Variants in TCF7L2 observed in about 807,000 individuals in gnomAD.
TCF7L2 encodes transcription factor 7-like 2.
In TCF7L2, 23 loss-of-function variants were observed where a neutral mutation model predicts 77.9. The ratio of observed to expected loss-of-function variants is 0.30; its 90% confidence interval spans 0.21 to 0.42. TCF7L2 has a LOEUF of 0.42. Among genes scored for constraint, TCF7L2 ranks in the 10% least tolerant of loss-of-function variants. The pLI is 1.00. For synonymous variants in TCF7L2, 413 were observed against 340.2 expected, an observed-to-expected ratio of 1.21 and a Z score of -2.36; for missense variants, 654 against 793.1, an observed-to-expected ratio of 0.82 and a Z score of 2.11.
At chr10:113,035,358 T>C (rs2050994116) in intron 4 of TCF7L2, among the ~76,000 whole-genome samples, 1 of 152,260 alleles carries the variant, frequency 6.6e-6, no homozygotes, top group African/African-American at 2.4e-5. Flanking sequence ...TTTTATTCCC[T>C]AACCAGGGCA....
chr10:113,164,590 A>C (rs1231230440), intron 13 of TCF7L2, among the ~76,000 whole-genome samples: 1 of 119,560 alleles, frequency 8.4e-6, no homozygotes, highest in African/African-American at 2.7e-5. Flanking sequence ...GGAAAGCCCC[A>C]AATCTTAAAA....
chr10:113,027,777 T>TC (rs528042280), intron 4 of TCF7L2, among the ~76,000 whole-genome samples: 45 of 151,598 alleles, frequency 3.0e-4, no homozygotes, highest in African/African-American at 3.6e-4. Flanking sequence ...TCCTCTTCTC[T>TC]CCCCCCCTCA....
At chr10:113,001,250 T>G (rs1274234743) in intron 4 of TCF7L2, among the ~76,000 whole-genome samples, 1 of 152,232 alleles carries the variant, frequency 6.6e-6, no homozygotes. Context: ...GGTGAAAGAC[T>G]TTCATTTGGC....
chr10:113,005,906 T>A (rs1287857961), intron 4 of TCF7L2, among the ~76,000 whole-genome samples: 1 of 152,164 alleles, frequency 6.6e-6, no homozygotes, highest in Non-Finnish European at 1.5e-5. Context: ...ATTGTTTAAA[T>A]GTGGAATGTA....
chr10:113,066,251 G>A (rs1204252583), intron 5 of TCF7L2, among the ~76,000 whole-genome samples: 1 of 152,070 alleles, frequency 6.6e-6, no homozygotes, highest in Non-Finnish European at 1.5e-5. Context: ...TGTAATCCCA[G>A]CTACTGGGGA....
intron 12 of TCF7L2, among the ~76,000 whole-genome samples, chr10:113,159,436 A>T (rs1214760531): frequency 6.6e-6 from 1 of 151,296 alleles, no homozygotes; most frequent in Non-Finnish European, 1.5e-5. Flanking sequence ...TTTATTTGTA[A>T]TTTTTTTCTT....
intron 5 of TCF7L2, among the ~76,000 whole-genome samples, chr10:113,099,292 A>C (rs537878256): frequency 6.6e-6 from 1 of 152,192 alleles, no homozygotes; most frequent in Non-Finnish European, 1.5e-5. Flanking sequence ...AGTCTTTCTC[A>C]GATGTCAGGA....
intron 5 of TCF7L2, among the ~76,000 whole-genome samples, chr10:113,084,808 A>G (rs567072799): frequency 6.6e-6 from 1 of 151,718 alleles, no homozygotes; most frequent in African/African-American, 2.4e-5. Flanking sequence ...TGTCACAAGA[A>G]TCGCTTGAAC....
rs2136990203 is a variant in TCF7L2, at chr10:113,146,061, A to T, written c.839A>T (p.Tyr280Phe). The T allele has an allele frequency of 6.2e-7, 1 of 1,609,458 alleles. No homozygotes were observed. Among genetic ancestry groups the T allele is most frequent in the Non-Finnish European group, 8.5e-7 (1 of 1,179,568 alleles). Reference sequence around the variant, plus strand: ...ACGACAGGAGGATTCAGACACCCCTACCCCACAGCTCTGACCGTCAATGCT... The same window carrying T: ...ACGACAGGAGGATTCAGACACCCCTTCCCCACAGCTCTGACCGTCAATGCT... The change falls in exon 8 of 14, where the codon TAC becomes TTC. Residue 280 changes from tyrosine (Y) to phenylalanine (F), a missense_variant. Around this residue, in one of 6 missense-constraint regions of TCF7L2, gnomAD observed 179 missense variants for 270.6 expected, o/e 0.66. Coordinates refer to ENST00000627217, the MANE Select transcript of TCF7L2 (RefSeq NM_001146274.2).
At chr10:113,005,422 T>C (rs949290413) in intron 4 of TCF7L2, among the ~76,000 whole-genome samples, 2 of 152,170 alleles carry the variant, frequency 1.3e-5, no homozygotes, top group Non-Finnish European at 2.9e-5. Context: ...GCAGGGAGCA[T>C]GACCTGGCTG....
intron 5 of TCF7L2, among the ~76,000 whole-genome samples, chr10:113,044,079 G>A (rs982990157): frequency 1.3e-5 from 2 of 152,092 alleles, no homozygotes; most frequent in African/African-American, 4.8e-5. Flanking sequence ...TTTACCTTGG[G>A]GTGGATTTTT....
chr10:113,061,141 C>G (rs1308471731), intron 5 of TCF7L2, among the ~76,000 whole-genome samples: 3 of 152,072 alleles, frequency 2.0e-5, no homozygotes, highest in African/African-American at 4.8e-5. Context: ...CACCCCTCAC[C>G]CCCCCGACAA....
intron 5 of TCF7L2, among the ~76,000 whole-genome samples, chr10:113,056,295 C>T (rs1333060212): frequency 4.6e-5 from 7 of 152,212 alleles, no homozygotes; most frequent in African/African-American, 1.4e-4. Flanking sequence ...CTGAATACCG[C>T]GCCTCATTGC....
At chr10:113,009,874 G>A (rs1044535626) in intron 4 of TCF7L2, among the ~76,000 whole-genome samples, 2 of 152,134 alleles carry the variant, frequency 1.3e-5, no homozygotes, top group Admixed American at 6.5e-5. Context: ...AGGCCTGTTC[G>A]GCAGCATGGA....
intron 4 of TCF7L2, among the ~76,000 whole-genome samples, chr10:113,013,116 T>A (rs2046741286): frequency 2.7e-5 from 1 of 36,492 alleles, no homozygotes; most frequent in African/African-American, 4.7e-4. Context: ...AGCAAGTGGT[T>A]TTTTTTTTTT....
chr10:112,981,585 A>G (rs2040478786), intron 4 of TCF7L2, among the ~76,000 whole-genome samples: 1 of 152,148 alleles, frequency 6.6e-6, no homozygotes, highest in Non-Finnish European at 1.5e-5. Context: ...TTTGGTCAAG[A>G]TCATCTCCAG....
At chr10:113,130,291 G>C (rs2066378954) in intron 5 of TCF7L2, among the ~76,000 whole-genome samples, 1 of 152,148 alleles carries the variant, frequency 6.6e-6, no homozygotes, top group Non-Finnish European at 1.5e-5. Flanking sequence ...GTACGGGTGA[G>C]CTGGAATCTG....
intron 5 of TCF7L2, among the ~76,000 whole-genome samples, chr10:113,118,021 C>T (rs1362063498): frequency 7.0e-6 from 1 of 143,046 alleles, no homozygotes; most frequent in African/African-American, 2.6e-5. Flanking sequence ...TCTCTTAAGA[C>T]TGCAAAAACC....
chr10:113,128,036 G>A (rs995226286), intron 5 of TCF7L2, among the ~76,000 whole-genome samples: 4 of 152,074 alleles, frequency 2.6e-5, no homozygotes, highest in African/African-American at 4.8e-5. Context: ...AAGAAATTGC[G>A]TGTGTGACAA....
Sources: gnomAD v4.1 joint callset for allele counts (sites outside exome capture counted in the v4.1 genomes callset) on GRCh38, gnomAD v4.1.1 for gene constraint, gnomAD v4.1.1 regional missense constraint, MANE v1.5 for transcripts, NCBI Gene and HGNC (gene_info 2026-07-23, HGNC 2026-07-21) for gene names.